Variants in TMEM232 observed in about 807,000 individuals in gnomAD.
The protein encoded by TMEM232 is transmembrane protein 232.
In TMEM232, 80 loss-of-function variants were observed where a neutral mutation model predicts 78.8. The ratio of observed to expected loss-of-function variants is 1.01; its 90% CI spans 0.85 to 1.22. TMEM232 has a LOEUF of 1.22. Ranked by LOEUF, TMEM232 falls within the 50% of genes most tolerant of loss-of-function variation. The pLI is 0.00. For synonymous variants in TMEM232, 297 were observed against 254.3 expected (o/e 1.17, Z -1.60); for missense variants, 881 against 742.2 (o/e 1.19, Z -2.17).
intron 11 of TMEM232, among the ~76,000 whole-genome samples, chr5:110,537,079 C>T (rs1374177103): frequency 6.6e-6 from 1 of 152,046 alleles, no homozygotes; most frequent in Non-Finnish European, 1.5e-5. Context: ...CAGGATGCCT[C>T]AAGCATCACT....
chr5:110,640,072 TAA>T (rs1267062641), intron 4 of TMEM232, among the ~76,000 whole-genome samples: 1 of 152,216 alleles, frequency 6.6e-6, no homozygotes, highest in African/African-American at 2.4e-5. Flanking sequence ...CATGACTGAT[TAA>T]AACTGAAATG....
At chr5:110,661,782 C>T (rs943662382) in intron 2 of TMEM232, among the ~76,000 whole-genome samples, 1 of 152,158 alleles carries the variant, frequency 6.6e-6, no homozygotes, top group African/African-American at 2.4e-5. Flanking sequence ...TAGGAGCATT[C>T]CTCTTTCTCC....
chr5:110,539,062 T>A (rs1184550357), intron 11 of TMEM232, among the ~76,000 whole-genome samples: 1 of 152,160 alleles, frequency 6.6e-6, no homozygotes, highest in Non-Finnish European at 1.5e-5. Context: ...AATGTAAGCA[T>A]CACCTGGCAG....
intron 3 of TMEM232, among the ~76,000 whole-genome samples, chr5:110,394,584 T>C (rs540145589): frequency 6.6e-6 from 1 of 152,284 alleles, no homozygotes; most frequent in East Asian, 1.9e-4. Flanking sequence ...CTATAAACTT[T>C]ACTGTTAGTA....
At chr5:110,627,195 C>G (rs959136601) in intron 6 of TMEM232, among the ~76,000 whole-genome samples, 3 of 152,050 alleles carry the variant, frequency 2.0e-5, no homozygotes, top group African/African-American at 7.2e-5. Context: ...GCTTGAATTT[C>G]TCACTCTTCT....
rs543836259 is a variant in TMEM232 at position 110,672,227 on chromosome 5, C to A, written c.-12-4863G>T. Among the ~76,000 whole-genome samples the A allele has an allele frequency of 9.9e-5, 15 of 152,234 alleles. No individual in the cohort carries two copies. The East Asian group carries it at 2.5e-3, about 25-fold the overall frequency. On this transcript the variant is annotated intron_variant, in intron 1 of 13. Transcript: ENST00000455884. ...TAAACATTATCTTTTAATCACTGAA[C>A]TTATTGTCCAAAGATTCCTCACATC... is the stretch of plus-strand genomic sequence containing the variant.
At chr5:110,545,591 G>A (rs908529140) in intron 11 of TMEM232, among the ~76,000 whole-genome samples, 1 of 151,986 alleles carries the variant, frequency 6.6e-6, no homozygotes, top group African/African-American at 2.4e-5. Flanking sequence ...GAGAAGGAGA[G>A]AAATAGGCAC....
intron 12 of TMEM232, among the ~76,000 whole-genome samples, chr5:110,456,292 TAA>T (rs148585626): frequency 0.026 from 3,997 of 152,008 alleles, 171 homozygotes; most frequent in African/African-American, 0.092. Context: ...GAAATTACAA[TAA>T]AAAGATATAC....
Position 110,420,553 on chromosome 5 carries a change from T to G in TMEM232, c.*27A>C. Reference sequence around the variant, plus strand: ...GTATTTCTGCCATGTAGTCCTCAATTTTGGGAGGTGACATTTTCTTTTCTA... The same window carrying G: ...GTATTTCTGCCATGTAGTCCTCAATGTTGGGAGGTGACATTTTCTTTTCTA... On this transcript the variant is annotated 3_prime_UTR_variant, in exon 14 of 14. Transcript: ENST00000455884. 7.2e-7 allele frequency: 1 copy of G among 1,397,192 alleles called. No individual in the cohort carries two copies. The highest frequency in any genetic ancestry group is 1.5e-5 in the South Asian group (1 of 65,318). 86.5% of individuals were successfully genotyped at this position (1,397,192 alleles called of 1,614,324 possible).
intron 2 of TMEM232, among the ~76,000 whole-genome samples, chr5:110,664,185 A>G (rs1351294580): frequency 6.6e-6 from 1 of 152,160 alleles, no homozygotes; most frequent in East Asian, 1.9e-4. Flanking sequence ...CAGATACACA[A>G]GGAGAAATAT....
intron 2 of TMEM232, among the ~76,000 whole-genome samples, chr5:110,649,249 A>T (rs1787955191): frequency 6.6e-6 from 1 of 152,120 alleles, no homozygotes; most frequent in Non-Finnish European, 1.5e-5. Flanking sequence ...TTAAGGAAAG[A>T]AGGATTTTTT....
chr5:110,594,022 C>T (rs1779850499), intron 10 of TMEM232, among the ~76,000 whole-genome samples: 1 of 151,836 alleles, frequency 6.6e-6, no homozygotes, highest in African/African-American at 2.4e-5. Flanking sequence ...GGCAAGATGG[C>T]CGAATAGGAA....
At chr5:110,732,988 C>A (rs758779666) in intron 2 of TMEM232, among the ~76,000 whole-genome samples, 5 of 151,908 alleles carry the variant, frequency 3.3e-5, no homozygotes, top group African/African-American at 9.7e-5. Flanking sequence ...AAACAACAAA[C>A]AATTTCACTA....
At chr5:110,640,820 T>G in intron 4 of TMEM232, 71 bp downstream of exon 4, 1 of 1,092,530 alleles carries the variant, frequency 9.2e-7, no homozygotes, top group Non-Finnish European at 1.2e-6. Flanking sequence ...AAAATTAAAG[T>G]TCTCAAATTA....
chr5:110,624,515 A>C (rs1784171823), intron 7 of TMEM232, among the ~76,000 whole-genome samples: 1 of 152,090 alleles, frequency 6.6e-6, no homozygotes, highest in Non-Finnish European at 1.5e-5. Flanking sequence ...CTGTTGCTCG[A>C]TATCTTTCAT....
chr5:110,394,062 A>G (rs557061084), intron 3 of TMEM232, among the ~76,000 whole-genome samples: 18 of 151,530 alleles, frequency 1.2e-4, no homozygotes, highest in African/African-American at 3.9e-4. Context: ...GTATTTTTGC[A>G]CTCATTAACC....
At chr5:110,692,090 T>C (rs575178584) in intron 1 of TMEM232, among the ~76,000 whole-genome samples, 23 of 152,098 alleles carry the variant, frequency 1.5e-4, no homozygotes, top group Non-Finnish European at 2.9e-4. Context: ...TCGGCTAATT[T>C]TTTTGTATTT....
At chr5:110,393,983 T>G (rs948215261) in intron 3 of TMEM232, among the ~76,000 whole-genome samples, 2 of 132,268 alleles carry the variant, frequency 1.5e-5, no homozygotes, top group African/African-American at 5.7e-5. Flanking sequence ...AAAAGGAAAA[T>G]AAATTATTGT....
intron 12 of TMEM232, among the ~76,000 whole-genome samples, chr5:110,473,534 T>C (rs1042648801): frequency 1.3e-4 from 20 of 151,220 alleles, no homozygotes; most frequent in African/African-American, 2.2e-4. Flanking sequence ...TTCTAAAATA[T>C]TGAAAATAAT....
Sources: allele counts gnomAD v4.1 joint callset (sites outside exome capture counted in the v4.1 genomes callset), GRCh38; gene constraint gnomAD v4.1.1; transcripts MANE v1.5; gene names NCBI Gene and HGNC (gene_info 2026-07-23, HGNC 2026-07-21).